RBM47: variants seen among roughly 807,000 people sequenced by gnomAD.
RBM47 encodes RNA binding motif protein 47, also known as RNA-binding protein 47.
A neutral mutation model predicts 47.1 loss-of-function variants in RBM47; 21 were observed. The observed-to-expected ratio is 0.45, with a 90% CI of 0.32 to 0.64. RBM47 has a LOEUF of 0.64. Among genes scored for constraint, RBM47 ranks in the 30% least tolerant of loss-of-function variants. The pLI is 0.05. For missense variants in RBM47, 708 were observed against 870.9 expected, an observed-to-expected ratio of 0.81 and a Z score of 2.35; for synonymous variants, 375 against 361.7, an observed-to-expected ratio of 1.04 and a Z score of -0.42.
chr4:40,479,235 T>G (rs1720053146), intron 2 of RBM47, among the ~76,000 whole-genome samples: 1 of 152,244 alleles, frequency 6.6e-6, no homozygotes, highest in Non-Finnish European at 1.5e-5. Context: ...AATTAAACAA[T>G]GGACATTGTC....
chr4:40,488,639 G>T (rs943492042), intron 2 of RBM47, among the ~76,000 whole-genome samples: 1 of 152,132 alleles, frequency 6.6e-6, no homozygotes. Context: ...AGCAAATGCA[G>T]GTGAGGTCCA....
chr4:40,509,861 C>T (rs1343227320), intron 2 of RBM47, among the ~76,000 whole-genome samples: 1 of 147,384 alleles, frequency 6.8e-6, no homozygotes, highest in Non-Finnish European at 1.5e-5. Flanking sequence ...CCAGCCTGGG[C>T]GACAGAGTGA....
At chr4:40,500,086 G>A (rs532251541) in intron 2 of RBM47, among the ~76,000 whole-genome samples, 2 of 152,322 alleles carry the variant, frequency 1.3e-5, no homozygotes, top group Admixed American at 1.3e-4. Context: ...AGGCCGAGGC[G>A]GGTGGATCAC....
chr4:40,425,702 T>C lies in RBM47; in HGVS notation c.*202A>G. On this transcript the variant is annotated 3_prime_UTR_variant, in exon 7 of 7. Transcript: ENST00000295971. ...AACCATTGCAAGTCTTTTGGAAATG[T>C]ATGAACGTAGGCATGCTAAGTTGAA... is the stretch of plus-strand genomic sequence containing the variant. 2.9e-6 allele frequency: 2 copies of C among 700,828 alleles called. No homozygotes were observed. Among genetic ancestry groups the C allele is most frequent in the Non-Finnish European group, 4.4e-6 (2 of 449,862 alleles). The allele number at this position is 700,828 out of a possible 1,614,324, so 43.4% of individuals were successfully genotyped here.
rs1337838720 is a variant in RBM47 at position 40,423,308 on chromosome 4, A to C, written c.*2596T>G. 6.6e-6 allele frequency: 1 copy of C among 152,248 alleles called. No individual in the cohort carries two copies. Among genetic ancestry groups the C allele is most frequent in the African/African-American group, 2.4e-5 (1 of 41,468 alleles). 9.4% of individuals were successfully genotyped at this position (152,248 alleles called of 1,614,324 possible). On this transcript the variant is annotated 3_prime_UTR_variant, in exon 7 of 7. Coordinates refer to ENST00000295971, the MANE Select transcript of RBM47 (RefSeq NM_001098634.2). ...CTTTAAAGAAAGCTTTATTTACTAC[A>C]TACATCCTAAGAATGTACTGTAAAT...
intron 1 of RBM47, among the ~76,000 whole-genome samples, chr4:40,599,760 A>G (rs1735075083): frequency 6.7e-6 from 1 of 149,288 alleles, no homozygotes; most frequent in Non-Finnish European, 1.5e-5. Context: ...AAAATCCTCA[A>G]GCCAGACTAG....
At chr4:40,516,355 G>A (rs577822977) in intron 2 of RBM47, among the ~76,000 whole-genome samples, 12 of 149,956 alleles carry the variant, frequency 8.0e-5, no homozygotes, top group Admixed American at 6.0e-4. Context: ...CCGCTCCCAA[G>A]TTCAAGCGAT....
At chr4:40,554,838 T>C (rs1215977292) in intron 1 of RBM47, among the ~76,000 whole-genome samples, 6 of 149,006 alleles carry the variant, frequency 4.0e-5, no homozygotes, top group Non-Finnish European at 7.4e-5. Flanking sequence ...CTCGGCTTGC[T>C]GCAACCTCCA....
At chr4:40,544,885 A>G (rs1728866722) in intron 1 of RBM47, among the ~76,000 whole-genome samples, 1 of 152,078 alleles carries the variant, frequency 6.6e-6, no homozygotes, top group African/African-American at 2.4e-5. Context: ...AACCTGGGCA[A>G]TATAGTGAGA....
intron 3 of RBM47, among the ~76,000 whole-genome samples, chr4:40,453,851 A>T (rs79068129): frequency 0.039 from 5,807 of 147,616 alleles, 456 homozygotes; most frequent in East Asian, 0.38. Flanking sequence ...TTTTTTTTTT[A>T]AAAAAAGAAA....
chr4:40,424,905 C>A lies in RBM47; in HGVS notation c.*999G>T, dbSNP rs1714810357. The A allele has an allele frequency of 2.0e-5, 3 of 151,824 alleles. No homozygotes were observed. In the South Asian group the frequency reaches 6.3e-4, roughly 32 times the overall value. The allele number at this position is 151,824 out of a possible 1,614,324, so 9.4% of individuals were successfully genotyped here. On this transcript the variant is annotated 3_prime_UTR_variant, in exon 7 of 7. Coordinates refer to ENST00000295971, the MANE Select transcript of RBM47 (RefSeq NM_001098634.2). ...AATAGCTATGCAAAGGTGTCTTATG[C>A]AACTCGATTAAAACCTTGTGCTTAC... is the stretch of plus-strand genomic sequence containing the variant.
chr4:40,610,195 T>C (rs1459026250), intron 1 of RBM47, among the ~76,000 whole-genome samples: 1 of 152,168 alleles, frequency 6.6e-6, no homozygotes, highest in East Asian at 1.9e-4. Flanking sequence ...CTGCCCTTAC[T>C]AGCTACATAA....
At chr4:40,556,302 C>T (rs1730082413) in intron 1 of RBM47, among the ~76,000 whole-genome samples, 1 of 151,966 alleles carries the variant, frequency 6.6e-6, no homozygotes, top group African/African-American at 2.4e-5. Context: ...TCCCAAAGTG[C>T]TGGGATTACA....
intron 1 of RBM47, among the ~76,000 whole-genome samples, chr4:40,569,508 CA>C (rs1731483411): frequency 6.6e-6 from 1 of 150,402 alleles, no homozygotes; most frequent in Non-Finnish European, 1.5e-5. Context: ...CTCCCGGGTT[CA>C]CACCATTCTC....
intron 1 of RBM47, among the ~76,000 whole-genome samples, chr4:40,626,717 C>T (rs1032496007): frequency 1.5e-4 from 23 of 152,162 alleles, no homozygotes; most frequent in African/African-American, 3.9e-4. Context: ...CCCATACAGA[C>T]GCTCACAGAA....
At chr4:40,487,697 T>A (rs1376643350) in intron 2 of RBM47, among the ~76,000 whole-genome samples, 2 of 152,178 alleles carry the variant, frequency 1.3e-5, no homozygotes, top group Non-Finnish European at 2.9e-5. Flanking sequence ...ACACAAAGAA[T>A]AAGAATGGCA....
chr4:40,593,752 CG>C (rs1365954631), intron 1 of RBM47, among the ~76,000 whole-genome samples: 59 of 152,020 alleles, frequency 3.9e-4, no homozygotes, highest in East Asian at 1.9e-4. Context: ...GGCGTGGTGG[CG>C]GGCACCTGTA....
chr4:40,433,057 C>A (rs776146129), intron 5 of RBM47, among the ~76,000 whole-genome samples, 195 bp from the exon 6 acceptor site: 23 of 152,050 alleles, frequency 1.5e-4, no homozygotes, highest in Non-Finnish European at 2.5e-4. Context: ...ATCTCTTGGC[C>A]TCAAGAGATC....
intron 1 of RBM47, among the ~76,000 whole-genome samples, chr4:40,549,908 G>A (rs1338914390): frequency 6.6e-6 from 1 of 152,076 alleles, no homozygotes; most frequent in East Asian, 1.9e-4. Flanking sequence ...CTGACCTTGT[G>A]ATCCACCCGC....
Sources: gnomAD v4.1 joint callset for allele counts (sites outside exome capture counted in the v4.1 genomes callset) on GRCh38, gnomAD v4.1.1 for gene constraint, MANE v1.5 for transcripts, NCBI Gene and HGNC (gene_info 2026-07-23, HGNC 2026-07-21) for gene names.